The following PHLPP2 variants were observed in gnomAD, a reference collection of about 807,000 sequenced individuals.
The protein encoded by PHLPP2 is PH domain leucine-rich repeat-containing protein phosphatase 2.
PHLPP2 carries 66 observed loss-of-function variants against 124.9 expected under a neutral mutation model. The ratio of observed to expected loss-of-function variants is 0.53; its 90% CI spans 0.43 to 0.65. PHLPP2 has a LOEUF of 0.65. Ranked by LOEUF, PHLPP2 falls within the 30% of genes least tolerant of loss-of-function variation. The probability of loss-of-function intolerance (pLI) is 0.00; values close to 1 mark genes in which losing one functional copy is unlikely to be tolerated. For missense variants in PHLPP2, 1,685 were observed against 1,600.4 expected, an observed-to-expected ratio of 1.05 and a Z score of -0.90; for synonymous variants, 681 against 624.7, an observed-to-expected ratio of 1.09 and a Z score of -1.34.
chr16:71,707,207 G>A (rs912054906), intron 2 of PHLPP2, among the ~76,000 whole-genome samples: 4 of 151,650 alleles, frequency 2.6e-5, no homozygotes, highest in Admixed American at 6.6e-5. Flanking sequence ...CGCCCGCCTC[G>A]GCCTCCCAAA....
chr16:71,720,603 G>C (rs1339679835), intron 1 of PHLPP2, among the ~76,000 whole-genome samples: 1 of 152,144 alleles, frequency 6.6e-6, no homozygotes, highest in African/African-American at 2.4e-5. Context: ...GGTGGCTCAT[G>C]CCTGTAATCC....
intron 2 of PHLPP2, among the ~76,000 whole-genome samples, chr16:71,709,256 A>G (rs941734452): frequency 2.0e-5 from 3 of 152,170 alleles, no homozygotes; most frequent in African/African-American, 7.2e-5. Context: ...CCACCTTTAT[A>G]ATTTCAAAAT....
chr16:71,676,347 T>A lies in PHLPP2; in HGVS notation c.1471+100A>T, dbSNP rs2044945020. On this transcript the variant is annotated intron_variant, in intron 9 of 18. Transcript: ENST00000568954. ...TTGCCTCAATGAGCCACAAACCCCA[T>A]CCTGCAGAGTGGCTGAGGAACACCA... The A allele has an allele frequency of 3.5e-6, 3 of 845,900 alleles. No homozygotes were observed. The East Asian group carries it at 7.7e-5, about 22-fold the overall frequency. 52.4% of individuals were successfully genotyped at this position (845,900 alleles called of 1,614,324 possible). A position where few individuals can be genotyped will look rare whatever the true frequency, so the allele number is the denominator to read the frequency against.
intron 13 of PHLPP2, among the ~76,000 whole-genome samples, chr16:71,662,648 G>C (rs1198745635): frequency 6.6e-6 from 1 of 152,016 alleles, no homozygotes; most frequent in Non-Finnish European, 1.5e-5. Context: ...AATATCAAAT[G>C]TCATTGCCTC....
chr16:71,720,160 G>A (rs1327479550), intron 1 of PHLPP2, among the ~76,000 whole-genome samples: 1 of 151,418 alleles, frequency 6.6e-6, no homozygotes, highest in Admixed American at 6.6e-5. Flanking sequence ...TAGTAGAGAC[G>A]GGGTTTCACT....
intron 2 of PHLPP2, among the ~76,000 whole-genome samples, chr16:71,710,124 C>T (rs536923245): frequency 6.6e-6 from 1 of 152,286 alleles, no homozygotes; most frequent in African/African-American, 2.4e-5. Flanking sequence ...GCTAGGATTA[C>T]AGACTTGAGC....
chr16:71,708,140 A>AT (rs200678969), intron 2 of PHLPP2, among the ~76,000 whole-genome samples: 2,665 of 151,972 alleles, frequency 0.018, 38 homozygotes, highest in Non-Finnish European at 0.03. Flanking sequence ...ACCCCCAAAC[A>AT]TTTTTGCCAT....
At chr16:71,712,289 C>T (rs774387572) in intron 2 of PHLPP2, among the ~76,000 whole-genome samples, 2 of 152,192 alleles carry the variant, frequency 1.3e-5, no homozygotes, top group African/African-American at 4.8e-5. Flanking sequence ...ATAGTGCTTT[C>T]ATTATTTTCT....
At chr16:71,723,651 C>A (rs957196674) in intron 1 of PHLPP2, 9 of 416,194 alleles carry the variant, frequency 2.2e-5, no homozygotes, top group South Asian at 8.0e-5. Flanking sequence ...GGGCCGCCGA[C>A]TGCCTCAGCC....
chr16:71,648,973 G>C lies in PHLPP2; in HGVS notation c.3889C>G (p.Gln1297Glu). ...LEEEVKEQMK[Q>E]HQDSRLEPEP... ...GGCTCGAGCCGGCTGTCCTGGTGCT[G>C]TTTCATTTGTTCCTTCACTTCTTCT... The change falls in exon 19 of 19, where the codon CAG (glutamine) becomes GAG (glutamate). Residue 1297 changes from glutamine (Q) to glutamate (E), a missense_variant. By Grantham distance (29) the Gln-to-Glu change is conservative (BLOSUM62 2). Transcript: ENST00000568954. 1.9e-6 allele frequency: 3 copies of C among 1,614,018 alleles called. No individual in the cohort carries two copies. Among genetic ancestry groups the C allele is most frequent in the Non-Finnish European group, 1.7e-6 (2 of 1,180,010 alleles).
chr16:71,702,246 T>C (rs892315852), intron 3 of PHLPP2, among the ~76,000 whole-genome samples: 3 of 152,196 alleles, frequency 2.0e-5, no homozygotes, highest in African/African-American at 7.2e-5. Context: ...GATTACTTAC[T>C]CTCAACATTT....
intron 10 of PHLPP2, 36 bp from the exon 11 acceptor site, chr16:71,669,406 G>T: frequency 2.8e-6 from 4 of 1,413,714 alleles, no homozygotes; most frequent in Non-Finnish European, 4.0e-6. Context: ...CACCATTTAA[G>T]ATGACAAGTG....
At chr16:71,715,066 A>C (rs767102985) in intron 1 of PHLPP2, 5 of 455,590 alleles carry the variant, frequency 1.1e-5, no homozygotes, top group Non-Finnish European at 1.6e-5. Flanking sequence ...AAGAATAACG[A>C]AACAGCGGGT....
intron 12 of PHLPP2, among the ~76,000 whole-genome samples, chr16:71,664,886 G>A (rs2044825100): frequency 6.6e-6 from 1 of 152,212 alleles, no homozygotes; most frequent in African/African-American, 2.4e-5. Flanking sequence ...ACTGTAATGA[G>A]CATCTTTGTA....
chr16:71,648,783 C>CAAA lies in PHLPP2; in HGVS notation c.*104_*106dup. On this transcript the variant is annotated 3_prime_UTR_variant, in exon 19 of 19. Transcript: ENST00000568954. ...AAGACTCCGTCTCAAAACAAACAAA[C>CAAA]AAAAAAAAAACGAACAAACAAAAAG... is the stretch of plus-strand genomic sequence containing the variant. 1 of 734,114 alleles carries CAAA rather than the reference C, an allele frequency of 1.4e-6. No individual in the cohort carries two copies. The highest frequency in any genetic ancestry group is 2.0e-5 in the South Asian group (1 of 49,556). 45.5% of individuals were successfully genotyped at this position (734,114 alleles called of 1,614,324 possible).
Position 71,646,321 on chromosome 16 carries a change from A to T in PHLPP2, c.*2569T>A, listed in dbSNP as rs1429492760. The T allele has an allele frequency of 6.6e-6, 1 of 152,260 alleles. No individual in the cohort carries two copies. Among genetic ancestry groups the T allele is most frequent in the East Asian group, 1.9e-4 (1 of 5,208 alleles). 9.4% of individuals were successfully genotyped at this position (152,260 alleles called of 1,614,324 possible). ...ATTAAAGCAGACTGCAAAAAAGAATAATCAGTTTTGGTATCGCCTATAACA... is the reference window on the plus strand; with the variant it reads ...ATTAAAGCAGACTGCAAAAAAGAATTATCAGTTTTGGTATCGCCTATAACA... On this transcript the variant is annotated 3_prime_UTR_variant, in exon 19 of 19. Coordinates refer to ENST00000568954, the MANE Select transcript of PHLPP2 (RefSeq NM_015020.3).
Position 71,649,767 on chromosome 16 carries a change from T to C in PHLPP2, c.3095A>G (p.Tyr1032Cys), listed in dbSNP as rs753334495. 2 of 1,614,106 alleles carry C rather than the reference T, an allele frequency of 1.2e-6. No individual in the cohort carries two copies. Among genetic ancestry groups the C allele is most frequent in the African/African-American group, 2.7e-5 (2 of 74,936 alleles). Residue 1032 changes from tyrosine (Y) to cysteine (C), a missense_variant, in exon 19 of 19, where the codon TAT becomes TGT. Physicochemically the swap from Tyr to Cys is radical, Grantham distance 194 (BLOSUM62 -2). Coordinates refer to ENST00000568954, the MANE Select transcript of PHLPP2 (RefSeq NM_015020.3). The part of the protein sequence containing the change: ...CQDNVGAMVV[Y>C]LNIGEEGCTC... ...GCAGCCTTCCTCACCAATATTCAAA[T>C]AAACTACCATCGCCCCTACATTGTC...
chr16:71,661,117 A>G (rs1252280491), intron 13 of PHLPP2, among the ~76,000 whole-genome samples: 2 of 145,052 alleles, frequency 1.4e-5, no homozygotes. Flanking sequence ...CCCAGGCTGC[A>G]GTGCAATGGC....
intron 2 of PHLPP2, among the ~76,000 whole-genome samples, chr16:71,704,801 G>A (rs1216744167): frequency 6.6e-6 from 1 of 152,168 alleles, no homozygotes; most frequent in African/African-American, 2.4e-5. Flanking sequence ...CATTTTCCCA[G>A]CACAATGGTG....
Sources: gnomAD v4.1 joint callset for allele counts (sites outside exome capture counted in the v4.1 genomes callset) on GRCh38, gnomAD v4.1.1 for gene constraint, MANE v1.5 for transcripts, NCBI Gene and HGNC (gene_info 2026-07-23, HGNC 2026-07-21) for gene names.